Variants in KCNK4 observed in about 807,000 individuals in gnomAD.
KCNK4 encodes the protein potassium channel subfamily K member 4.
In KCNK4, 22 loss-of-function variants were observed where a neutral mutation model predicts 28.8. That is an observed-to-expected ratio of 0.76 (90% CI 0.55 to 1.09). KCNK4 has a LOEUF of 1.09. KCNK4 is among the 50% of genes least tolerant of loss of function. The pLI is 0.00. For missense variants in KCNK4, 483 were observed against 546.3 expected (o/e 0.88, Z 1.15); for synonymous variants, 263 against 252.9 (o/e 1.04, Z -0.38).
At chr11:64,292,441 A>T (rs1781634853) in intron 1 of KCNK4, among the ~76,000 whole-genome samples, 1 of 152,022 alleles carries the variant, frequency 6.6e-6, no homozygotes, top group South Asian at 2.1e-4. Context: ...AAGCAGGGCG[A>T]GGCGAGAGGG....
At position 64,298,262 on chromosome 11, in the gene KCNK4, G is replaced by A. The variant is rs186247639; in HGVS notation, c.801+13G>A. 1.0e-4 allele frequency: 167 copies of A among 1,607,642 alleles called. 1 individual carries two copies. In the African/African-American group the frequency reaches 1.9e-3, roughly 19 times the overall value. On this transcript the variant is annotated intron_variant, in intron 6 of 6. Coordinates refer to ENST00000422670, the MANE Select transcript of KCNK4 (RefSeq NM_033310.3). Reference sequence around the variant, plus strand: ...CACTCGGGCAGAGGTAGGCGCCCCAGGGTTGGCACTGTGCCTGCGCACTGT... The same window carrying A: ...CACTCGGGCAGAGGTAGGCGCCCCAAGGTTGGCACTGTGCCTGCGCACTGT...
chr11:64,297,409 G>A, intron 4 of KCNK4, 58 bp from the exon 5 acceptor site: 2 of 1,597,590 alleles, frequency 1.3e-6, no homozygotes, highest in South Asian at 1.1e-5. Context: ...GGAGTGGGGA[G>A]TATGGGAGTG....
In KCNK4 at chr11:64,297,604, C is replaced by T. The variant is rs766534596; in HGVS notation, c.612C>T (p.Tyr204=). The T allele has an allele frequency of 2.2e-5, 35 of 1,613,988 alleles. No individual in the cohort carries two copies. The highest frequency in any genetic ancestry group is 2.8e-5 in the Non-Finnish European group (33 of 1,179,968). The change falls in exon 5 of 7, where the codon TAC becomes TAT. Residue 204 remains tyrosine (Y), a synonymous_variant. Coordinates refer to ENST00000422670, the MANE Select transcript of KCNK4 (RefSeq NM_033310.3). The part of the protein sequence containing the change: ...MEDWSKLEAI[Y]FVIVTLTTVG... Reference sequence around the variant, plus strand: ...ACTGGAGCAAGCTGGAGGCCATCTACTTTGTCATAGTGACGCTTACCACCG... The same window carrying T: ...ACTGGAGCAAGCTGGAGGCCATCTATTTTGTCATAGTGACGCTTACCACCG...
At chr11:64,291,912 C>T in intron 1 of KCNK4, 3 of 592,630 alleles carry the variant, frequency 5.1e-6, no homozygotes, top group Non-Finnish European at 6.8e-6. Context: ...GGCCGCCGGT[C>T]CCGCCGCCCG....
At position 64,292,968 on chromosome 11, in the gene KCNK4, G is replaced by T. The variant is rs370012701; in HGVS notation, c.-51G>T. 6.0e-6 allele frequency: 9 copies of T among 1,497,930 alleles called. No individual in the cohort carries two copies. Among genetic ancestry groups the T allele is most frequent in the Non-Finnish European group, 8.0e-6 (9 of 1,127,040 alleles). 92.8% of individuals were successfully genotyped at this position (1,497,930 alleles called of 1,614,324 possible). On this transcript the variant is annotated 5_prime_UTR_variant, in exon 2 of 7. Coordinates refer to ENST00000422670, the MANE Select transcript of KCNK4 (RefSeq NM_033310.3). ...GACGACAGCTCCCCAGGAGCCCCCC[G>T]CCCGGCCCCTCCAGGCGGGCAGTGG...
intron 3 of KCNK4, 30 bp downstream of exon 3, chr11:64,297,031 G>A (rs372675596): frequency 7.6e-6 from 12 of 1,578,292 alleles, no homozygotes; most frequent in South Asian, 4.6e-5. Flanking sequence ...TGTGGGGGGC[G>A]GCAAGGAGCT....
At position 64,299,824 on chromosome 11, in the gene KCNK4, A is replaced by T. The variant is rs2034886347; in HGVS notation, c.*98A>T. On this transcript the variant is annotated 3_prime_UTR_variant, in exon 7 of 7. Coordinates refer to ENST00000422670, the MANE Select transcript of KCNK4 (RefSeq NM_033310.3). Reference sequence around the variant, plus strand: ...AAAGAGCCCTCTTTCCACGAGACTGAAGTCTGGGGAGGAGGCTACAGTTGC... The same window carrying T: ...AAAGAGCCCTCTTTCCACGAGACTGTAGTCTGGGGAGGAGGCTACAGTTGC... The T allele has an allele frequency of 6.5e-7, 1 of 1,534,798 alleles. No individual in the cohort carries two copies. Among genetic ancestry groups the T allele is most frequent in the African/African-American group, 1.4e-5 (1 of 72,850 alleles).
chr11:64,299,638 C>G lies in KCNK4; in HGVS notation c.1094C>G (p.Pro365Arg). The G allele has an allele frequency of 6.2e-7, 1 of 1,607,216 alleles. No individual in the cohort carries two copies. Among genetic ancestry groups the G allele is most frequent in the Non-Finnish European group, 8.5e-7 (1 of 1,177,554 alleles). Residue 365 changes from proline (P) to arginine (R), a missense_variant, in exon 7 of 7, where the codon CCG (proline) becomes CGG (arginine). By Grantham distance (103) the Pro-to-Arg change is moderately radical (BLOSUM62 -2). Coordinates refer to ENST00000422670, the MANE Select transcript of KCNK4 (RefSeq NM_033310.3). Reference protein sequence around the residue: ...SERGCPLPRAPRGRRRPNPPR... With the variant: ...SERGCPLPRARRGRRRPNPPR... Reference sequence around the variant, plus strand: ...CGCGGCTGCCCGCTGCCCCGCGCGCCGAGAGGTCGCCGCCGCCCAAATCCC... The same window carrying G: ...CGCGGCTGCCCGCTGCCCCGCGCGCGGAGAGGTCGCCGCCGCCCAAATCCC...
chr11:64,292,760 G>T (rs952430722), intron 1 of KCNK4, 182 bp from the exon 2 acceptor site: 6 of 520,002 alleles, frequency 1.2e-5, no homozygotes, highest in Non-Finnish European at 1.8e-5. Context: ...GCTGAGGGCC[G>T]GGCAGCGGAG....
chr11:64,294,294 G>A (rs2034712721), intron 2 of KCNK4, among the ~76,000 whole-genome samples: 1 of 152,078 alleles, frequency 6.6e-6, no homozygotes, highest in South Asian at 2.1e-4. Flanking sequence ...GAGGTGGGTG[G>A]ATCACCTGAG....
At chr11:64,298,615 C>T (rs1306651162) in intron 6 of KCNK4, among the ~76,000 whole-genome samples, 1 of 151,922 alleles carries the variant, frequency 6.6e-6, no homozygotes, top group African/African-American at 2.4e-5. Context: ...CAGGGGAGGT[C>T]GAGGCAGCAG....
In KCNK4 at chr11:64,299,409, C is replaced by A; in HGVS notation, c.865C>A (p.Arg289=). ...CACGGTGACAGCGCGCGTGACCCAG[C>A]GAGCCGGGCCCGCCGCCCCGCCGCC... The part of the protein sequence containing the change: ...TGTVTARVTQ[R]AGPAAPPPEK... The change falls in exon 7 of 7, where the codon CGA becomes AGA. Residue 289 remains arginine (R), a synonymous_variant. Transcript: ENST00000422670. The A allele has an allele frequency of 6.4e-7, 1 of 1,572,034 alleles. No individual in the cohort carries two copies. The highest frequency in any genetic ancestry group is 1.8e-5 in the Admixed American group (1 of 54,178).
chr11:64,298,238 A>T lies in KCNK4; in HGVS notation c.790A>T (p.Thr264Ser). 6.2e-7 allele frequency: 1 copy of T among 1,612,376 alleles called. No homozygotes were observed. The highest frequency in any genetic ancestry group is 8.5e-7 in the Non-Finnish European group (1 of 1,179,996). The change falls in exon 6 of 7, where the codon ACT becomes TCT. Residue 264 changes from threonine to serine, a missense_variant. Physicochemically the swap from Thr to Ser is moderately conservative, Grantham distance 58. Transcript: ENST00000422670. ...CTGGCTGCGAGTAGTGTCCCGCCGC[A>T]CTCGGGCAGAGGTAGGCGCCCCAGG... is the stretch of plus-strand genomic sequence containing the variant. The part of the protein sequence containing the change: ...GNWLRVVSRR[T>S]RAEMGGLTAQ...
Position 64,298,162 on chromosome 11 carries a change from G to T in KCNK4, c.714G>T (p.Trp238Cys). The change falls in exon 6 of 7, where the codon TGG becomes TGT. Residue 238 changes from tryptophan to cysteine, a missense_variant. Trp to Cys is a radical substitution (Grantham distance 215, BLOSUM62 -2). Coordinates refer to ENST00000422670, the MANE Select transcript of KCNK4 (RefSeq NM_033310.3). ...SPAYQPLVWFWILLGLAYFAS... is the reference protein window; with the variant it reads ...SPAYQPLVWFCILLGLAYFAS... ...CCTATCAGCCGCTGGTGTGGTTCTGGATCCTGCTCGGCCTGGCTTACTTCG... is the reference window on the plus strand; with the variant it reads ...CCTATCAGCCGCTGGTGTGGTTCTGTATCCTGCTCGGCCTGGCTTACTTCG... The T allele has an allele frequency of 6.2e-7, 1 of 1,613,912 alleles. No homozygotes were observed. The highest frequency in any genetic ancestry group is 1.7e-5 in the Admixed American group (1 of 60,024).
chr11:64,292,858 T>C, intron 1 of KCNK4, 84 bp from the exon 2 acceptor site: 1 of 1,363,586 alleles, frequency 7.3e-7, no homozygotes, highest in Non-Finnish European at 9.5e-7. Context: ...GCTTTATGGA[T>C]CTTTGGGTGT....
chr11:64,299,540 C>T lies in KCNK4; in HGVS notation c.996C>T (p.Pro332=). ...AGAAGGCTCAGCCGCCTTCCCCGCC[C>T]ACGGCCTCGGCCCTGGATTATCCCA... ...PPEKAQPPSP[P]TASALDYPSE... The change falls in exon 7 of 7, where the codon CCC becomes CCT. Residue 332 remains proline, a synonymous_variant. Transcript: ENST00000422670. The T allele has an allele frequency of 3.1e-6, 5 of 1,610,114 alleles. No homozygotes were observed. Among genetic ancestry groups the T allele is most frequent in the Non-Finnish European group, 4.2e-6 (5 of 1,178,948 alleles).
Position 64,292,765 on chromosome 11 carries a change from G to GC in KCNK4, c.-77-176dup, listed in dbSNP as rs2034664752. ...CCAGACAGGGGCTGAGGGCCGGGCA[G>GC]CGGAGGTAAGGGGAAGGCTGGAGAT... On this transcript the variant is annotated intron_variant, in intron 1 of 6. Coordinates refer to ENST00000422670, the MANE Select transcript of KCNK4 (RefSeq NM_033310.3). The GC allele has an allele frequency of 9.0e-6, 5 of 558,180 alleles. No individual in the cohort carries two copies. In the South Asian group the frequency reaches 1.7e-4, roughly 19 times the overall value. 34.6% of individuals were successfully genotyped at this position (558,180 alleles called of 1,614,324 possible).
intron 2 of KCNK4, among the ~76,000 whole-genome samples, chr11:64,294,081 T>C (rs1472892844): frequency 6.6e-6 from 1 of 152,022 alleles, no homozygotes; most frequent in Non-Finnish European, 1.5e-5. Flanking sequence ...GTGCAGGTGA[T>C]TTGGGAGGGT....
intron 1 of KCNK4, chr11:64,291,996 C>T: frequency 8.5e-7 from 1 of 1,180,818 alleles, no homozygotes; most frequent in Non-Finnish European, 1.1e-6. Context: ...CGCGGTGGCC[C>T]TGCTGTCTGG....
Sources: gnomAD v4.1 joint callset for allele counts (sites outside exome capture counted in the v4.1 genomes callset) on GRCh38, gnomAD v4.1.1 for gene constraint, MANE v1.5 for transcripts, NCBI Gene and HGNC (gene_info 2026-07-23, HGNC 2026-07-21) for gene names.